CEP97: variants seen among roughly 807,000 people sequenced by gnomAD.
CEP97 encodes centrosomal protein 97.
In CEP97, 43 loss-of-function variants were observed where a neutral mutation model predicts 73.1. That is an observed-to-expected ratio of 0.59 (90% confidence interval 0.46 to 0.76). The LOEUF (loss-of-function observed/expected upper bound fraction) is 0.76. CEP97 is among the 30% of genes least tolerant of loss of function. CEP97 has a pLI of 0.00. For missense variants in CEP97, 939 were observed against 1,014.0 expected (o/e 0.93, Z 1.00); for synonymous variants, 337 against 370.0 (o/e 0.91, Z 1.02).
At chr3:101,756,827 T>A (rs1488566900) in intron 7 of CEP97, among the ~76,000 whole-genome samples, 1 of 152,194 alleles carries the variant, frequency 6.6e-6, no homozygotes, top group Admixed American at 6.5e-5. Context: ...TGCCTTTAAA[T>A]GTTTTTGTAT....
At chr3:101,724,854 G>A in intron 1 of CEP97, 135 bp downstream of exon 1, 1 of 922,266 alleles carries the variant, frequency 1.1e-6, no homozygotes, top group Non-Finnish European at 1.7e-6. Context: ...CGTCGCGGAG[G>A]CGGGCTACCC....
chr3:101,764,287 G>A (rs772380694), intron 10 of CEP97, among the ~76,000 whole-genome samples: 97 of 152,064 alleles, frequency 6.4e-4, no homozygotes, highest in Non-Finnish European at 1.1e-3. Context: ...GCAACAAAGC[G>A]AGACCTCATC....
intron 4 of CEP97, among the ~76,000 whole-genome samples, chr3:101,731,299 C>A (rs1339068229): frequency 6.7e-6 from 1 of 150,358 alleles, no homozygotes; most frequent in Non-Finnish European, 1.5e-5. Context: ...CTCCTGGGCT[C>A]AAGTGATCCC....
intron 10 of CEP97, 78 bp downstream of exon 10, chr3:101,762,638 T>C (rs1283959818): frequency 8.9e-7 from 1 of 1,123,308 alleles, no homozygotes; most frequent in African/African-American, 1.6e-5. Flanking sequence ...CATAGAGTAC[T>C]CAGGTGTATT....
At chr3:101,756,350 C>T (rs773182413) in intron 7 of CEP97, among the ~76,000 whole-genome samples, 3 of 146,912 alleles carry the variant, frequency 2.0e-5, no homozygotes, top group African/African-American at 5.0e-5. Context: ...TGAGCTACTG[C>T]GTCTGCCACC....
chr3:101,764,131 C>T (rs1576703402), intron 10 of CEP97, among the ~76,000 whole-genome samples: 1 of 152,212 alleles, frequency 6.6e-6, no homozygotes, highest in East Asian at 1.9e-4. Flanking sequence ...CTGCCATTTG[C>T]CAGCTTCATG....
In CEP97 at chr3:101,724,655, GTAT is replaced by G; in HGVS notation, c.-16_-14del. On this transcript the variant is annotated 5_prime_UTR_variant, in exon 1 of 11. Transcript: ENST00000341893. ...AGAGCCGCGGGAGGACGGTTGCCTG[GTAT>G]TATTAGCAAGCAGCAAATATGGCGG... is the stretch of plus-strand genomic sequence containing the variant. 6.2e-7 allele frequency: 1 copy of G among 1,614,172 alleles called. No individual in the cohort carries two copies. Among genetic ancestry groups the G allele is most frequent in the East Asian group, 2.2e-5 (1 of 44,886 alleles).
At chr3:101,742,597 C>A (rs1938490281) in intron 6 of CEP97, among the ~76,000 whole-genome samples, 1 of 151,860 alleles carries the variant, frequency 6.6e-6, no homozygotes, top group African/African-American at 2.4e-5. Flanking sequence ...TGGGTGGGGG[C>A]TAGGGGAGTG....
At chr3:101,764,764 C>G (rs1939263702) in intron 10 of CEP97, 83 bp from the exon 11 acceptor site, 1 of 1,256,168 alleles carries the variant, frequency 8.0e-7, no homozygotes, top group East Asian at 2.4e-5. Flanking sequence ...GCCTGGGTGA[C>G]AGAGCGAGAC....
chr3:101,763,211 T>A (rs1444142729), intron 10 of CEP97: 1 of 1,231,454 alleles, frequency 8.1e-7, no homozygotes, highest in Admixed American at 3.2e-5. Flanking sequence ...CTGGCCAAAT[T>A]TGTTATAATA....
intron 6 of CEP97, among the ~76,000 whole-genome samples, chr3:101,745,513 G>A (rs189775849): frequency 2.6e-5 from 4 of 151,524 alleles, no homozygotes; most frequent in Non-Finnish European, 4.4e-5. Flanking sequence ...GGATCCTCCC[G>A]CCTCAGCCTC....
intron 6 of CEP97, among the ~76,000 whole-genome samples, chr3:101,745,257 G>C (rs1219137361): frequency 2.0e-5 from 3 of 152,096 alleles, no homozygotes; most frequent in African/African-American, 4.8e-5. Flanking sequence ...CCTAGTGCTA[G>C]ATATTTTCTT....
chr3:101,739,608 A>G (rs1032990085), intron 6 of CEP97, among the ~76,000 whole-genome samples: 1 of 152,150 alleles, frequency 6.6e-6, no homozygotes, highest in Non-Finnish European at 1.5e-5. Context: ...AAGGCCTTCA[A>G]TAAAATTCAA....
chr3:101,731,751 T>C, intron 4 of CEP97, 89 bp from the exon 5 acceptor site: 1 of 714,554 alleles, frequency 1.4e-6, no homozygotes. Flanking sequence ...GATTCCTTTA[T>C]TCTTATATGT....
Position 101,755,455 on chromosome 3 carries a change from C to T in CEP97, c.754C>T (p.Gln252Ter). The change falls in exon 7 of 11, where the codon CAA becomes TAA. Residue 252 changes from glutamine (Q) to a stop codon, truncating the protein, a stop_gained. Coordinates refer to ENST00000341893, the MANE Select transcript of CEP97 (RefSeq NM_024548.4). LOFTEE classifies it high-confidence loss of function. ...ESLKAEWLYS[Q>*]GKGRAYRPGQ... ...TTTGAAAGCTGAATGGCTCTATAGTCAAGGCAAGGGGAGAGCATATCGGCC... is the reference window on the plus strand; with the variant it reads ...TTTGAAAGCTGAATGGCTCTATAGTTAAGGCAAGGGGAGAGCATATCGGCC... 2 of 1,614,100 alleles carry T rather than the reference C, an allele frequency of 1.2e-6. No individual in the cohort carries two copies. The highest frequency in any genetic ancestry group is 8.5e-7 in the Non-Finnish European group (1 of 1,180,004).
intron 5 of CEP97, 41 bp from the exon 6 acceptor site, chr3:101,732,446 CT>C: frequency 6.9e-7 from 1 of 1,459,674 alleles, no homozygotes; most frequent in Non-Finnish European, 9.5e-7. Context: ...GTGCTTGACA[CT>C]GAATAGTCCT....
chr3:101,752,117 G>T (rs1369597968), intron 6 of CEP97, among the ~76,000 whole-genome samples: 1 of 152,162 alleles, frequency 6.6e-6, no homozygotes, highest in Non-Finnish European at 1.5e-5. Context: ...GCATTTGCTT[G>T]TCTGTAAAGG....
In CEP97 at chr3:101,755,538, A is replaced by C. The variant is rs912841093; in HGVS notation, c.837A>C (p.Thr279=). The change falls in exon 7 of 11, where the codon ACA becomes ACC. Residue 279 remains threonine (T), a synonymous_variant. Coordinates refer to ENST00000341893, the MANE Select transcript of CEP97 (RefSeq NM_024548.4). ...YLATVCPLTS[T]LGLQTAEDAK... is the part of the protein sequence containing the mutation. ...CTACAGTCTGCCCCCTCACTTCTAC[A>C]CTAGGTCTTCAAACTGCAGAGGATG... 4 of 1,614,042 alleles carry C rather than the reference A, an allele frequency of 2.5e-6. No individual in the cohort carries two copies. In the African/African-American group the frequency reaches 5.3e-5, roughly 22 times the overall value.
intron 6 of CEP97, among the ~76,000 whole-genome samples, chr3:101,748,168 G>C (rs1576689322): frequency 7.2e-6 from 1 of 139,678 alleles, no homozygotes. Context: ...TAATATGTTA[G>C]AGCTGAATGA....
Sources: allele counts gnomAD v4.1 joint callset (sites outside exome capture counted in the v4.1 genomes callset), GRCh38; gene constraint gnomAD v4.1.1; transcripts MANE v1.5; gene names NCBI Gene and HGNC (gene_info 2026-07-23, HGNC 2026-07-21).